The following ADAMTS9 variants were observed in gnomAD, a reference collection of about 807,000 sequenced individuals.
The protein encoded by ADAMTS9 is A disintegrin and metalloproteinase with thrombospondin motifs 9.
In ADAMTS9, 107 loss-of-function variants were observed where a neutral mutation model predicts 257.1. The ratio of observed to expected loss-of-function variants is 0.42; its 90% CI spans 0.36 to 0.49. The LOEUF (loss-of-function observed/expected upper bound fraction) is 0.49. ADAMTS9 is among the 20% of genes least tolerant of loss of function. The pLI, the probability that ADAMTS9 is intolerant of heterozygous loss-of-function variation, is 0.03. For missense variants in ADAMTS9, 2,353 were observed against 2,469.1 expected (o/e 0.95, Z 1.00); for synonymous variants, 982 against 880.9 (o/e 1.11, Z -2.03).
intron 39 of ADAMTS9, among the ~76,000 whole-genome samples, chr3:64,518,004 TA>T (rs1321671812): frequency 3.9e-5 from 6 of 152,312 alleles, no homozygotes; most frequent in Admixed American, 6.5e-5. Flanking sequence ...CCATGCGACC[TA>T]ACCAGAGCTA....
chr3:64,637,381 T>G (rs2106909034), intron 12 of ADAMTS9, among the ~76,000 whole-genome samples: 1 of 152,322 alleles, frequency 6.6e-6, no homozygotes, highest in Admixed American at 6.5e-5. Flanking sequence ...AAATATTGCA[T>G]GTCAAATAGG....
chr3:64,556,934 T>C (rs993577028), intron 30 of ADAMTS9, among the ~76,000 whole-genome samples: 5 of 152,184 alleles, frequency 3.3e-5, no homozygotes, highest in African/African-American at 1.2e-4. Flanking sequence ...TGTTAAATGA[T>C]AGAGAAGATT....
intron 29 of ADAMTS9, among the ~76,000 whole-genome samples, chr3:64,563,513 A>G (rs193225556): frequency 3.8e-4 from 58 of 152,314 alleles, no homozygotes; most frequent in African/African-American, 1.3e-3. Context: ...AGACTTTTAG[A>G]ATGTATAAGA....
At chr3:64,538,964 T>C (rs2083086861) in intron 37 of ADAMTS9, among the ~76,000 whole-genome samples, 1 of 152,202 alleles carries the variant, frequency 6.6e-6, no homozygotes, top group African/African-American at 2.4e-5. Flanking sequence ...TAAGTTGGCG[T>C]GTTTTGTTGA....
At chr3:64,680,838 A>T (rs552952148) in intron 3 of ADAMTS9, among the ~76,000 whole-genome samples, 2 of 152,326 alleles carry the variant, frequency 1.3e-5, no homozygotes, top group South Asian at 2.1e-4. Flanking sequence ...CCAAAAAAAA[A>T]TACATGCATT....
At chr3:64,670,730 A>G (rs1013398030) in intron 3 of ADAMTS9, among the ~76,000 whole-genome samples, 1 of 152,242 alleles carries the variant, frequency 6.6e-6, no homozygotes, top group African/African-American at 2.4e-5. Context: ...CGCTTCACCA[A>G]AAAAGATACA....
chr3:64,556,875 A>C (rs1432283488), intron 30 of ADAMTS9, among the ~76,000 whole-genome samples: 1 of 149,506 alleles, frequency 6.7e-6, no homozygotes, highest in African/African-American at 2.5e-5. Flanking sequence ...TCCTTCATTC[A>C]TTCACAGATT....
intron 3 of ADAMTS9, among the ~76,000 whole-genome samples, chr3:64,662,760 A>G (rs1389520143): frequency 6.6e-6 from 1 of 152,142 alleles, no homozygotes; most frequent in Admixed American, 6.6e-5. Flanking sequence ...AAATCTACAG[A>G]GACAGAAAGT....
At chr3:64,649,913 A>T in intron 9 of ADAMTS9, 135 bp from the exon 10 acceptor site, 1 of 1,112,088 alleles carries the variant, frequency 9.0e-7, no homozygotes, top group South Asian at 1.9e-5. Context: ...TTTATTCTTT[A>T]CATCCAAGAT....
intron 30 of ADAMTS9, among the ~76,000 whole-genome samples, chr3:64,551,572 T>C (rs2083272165): frequency 6.6e-6 from 1 of 152,174 alleles, no homozygotes; most frequent in African/African-American, 2.4e-5. Context: ...CACCCAGCTG[T>C]CTAAAGGAAG....
At chr3:64,522,613 A>G (rs1001620831) in intron 38 of ADAMTS9, 17 of 179,970 alleles carry the variant, frequency 9.4e-5, no homozygotes, top group Non-Finnish European at 1.6e-4. Flanking sequence ...ACATTCATTA[A>G]TTTACCTGAT....
rs2082779548 is a variant in ADAMTS9, at chr3:64,516,707, G to A, written c.*420C>T. 1 of 152,548 alleles carries A rather than the reference G, an allele frequency of 6.6e-6. No homozygotes were observed. Among genetic ancestry groups the A allele is most frequent in the African/African-American group, 2.4e-5 (1 of 41,424 alleles). The allele number at this position is 152,548 out of a possible 1,614,324, so 9.4% of individuals were successfully genotyped here. ...TATACAACTCTTATAGCACCTTGAT[G>A]ATGGCTAGATTGTTTTAAAAAAATT... On this transcript the variant is annotated 3_prime_UTR_variant, in exon 40 of 40. Coordinates refer to ENST00000498707, the MANE Select transcript of ADAMTS9 (RefSeq NM_182920.2).
intron 28 of ADAMTS9, 79 bp downstream of exon 28, chr3:64,594,179 T>A: frequency 6.9e-7 from 1 of 1,451,682 alleles, no homozygotes; most frequent in African/African-American, 1.4e-5. Context: ...GTGTGACAAT[T>A]ATCTGCCACA....
intron 10 of ADAMTS9, among the ~76,000 whole-genome samples, chr3:64,649,079 T>A (rs1043551116): frequency 3.3e-5 from 5 of 152,150 alleles, no homozygotes; most frequent in Admixed American, 3.3e-4. Context: ...AACTGCTAGA[T>A]GTTATCACTG....
Position 64,594,450 on chromosome 3 carries a change from G to T in ADAMTS9, c.4180-16C>A. On this transcript the variant is annotated splice_polypyrimidine_tract_variant and intron_variant, in intron 27 of 39. Coordinates refer to ENST00000498707, the MANE Select transcript of ADAMTS9 (RefSeq NM_182920.2). ...GCTTAGTGCACTGGAAGAAGGAAAA[G>T]GAAGGCTGCAGTTATTTTGTCTGAA... is the stretch of plus-strand genomic sequence containing the variant. 6.2e-7 allele frequency: 1 copy of T among 1,603,852 alleles called. No individual in the cohort carries two copies. Among genetic ancestry groups the T allele is most frequent in the Non-Finnish European group, 8.5e-7 (1 of 1,175,310 alleles).
chr3:64,619,504 G>A (rs1023772399), intron 19 of ADAMTS9, among the ~76,000 whole-genome samples: 7 of 152,016 alleles, frequency 4.6e-5, no homozygotes, highest in Non-Finnish European at 8.8e-5. Context: ...TTTGTTTAAC[G>A]ACTCTCAGCC....
intron 20 of ADAMTS9, among the ~76,000 whole-genome samples, 155 bp downstream of exon 20, chr3:64,615,805 C>T (rs887898836): frequency 6.6e-6 from 1 of 152,120 alleles, no homozygotes; most frequent in Non-Finnish European, 1.5e-5. Context: ...AACCATGCTA[C>T]TCTATTCTGG....
chr3:64,648,195 A>G lies in ADAMTS9; in HGVS notation c.1606-151T>C, dbSNP rs116982749. On this transcript the variant is annotated intron_variant, in intron 10 of 39. Coordinates refer to ENST00000498707, the MANE Select transcript of ADAMTS9 (RefSeq NM_182920.2). The stretch of plus-strand genomic sequence containing the variant: ...TTCTTGGTATGATAAATGCTAAAAT[A>G]TAGACAGCAGCCCATAAAACACATT... 3,493 of 701,468 alleles carry G rather than the reference A, an allele frequency of 5.0e-3. 94 individuals are homozygous for G. In the East Asian group the frequency reaches 0.051, roughly 10 times the overall value. The allele number at this position is 701,468 out of a possible 1,614,324, so 43.5% of individuals were successfully genotyped here. A position where few individuals can be genotyped will look rare whatever the true frequency, so the allele number is the denominator to read the frequency against.
At chr3:64,681,180 G>T in intron 3 of ADAMTS9, 21 bp downstream of exon 3, 1 of 1,605,908 alleles carries the variant, frequency 6.2e-7, no homozygotes, top group Non-Finnish European at 8.5e-7. Flanking sequence ...TGGGCTCTCC[G>T]CTTAAGCAAG....
Sources: gnomAD v4.1 joint callset for allele counts (sites outside exome capture counted in the v4.1 genomes callset) on GRCh38, gnomAD v4.1.1 for gene constraint, MANE v1.5 for transcripts, NCBI Gene and HGNC (gene_info 2026-07-23, HGNC 2026-07-21) for gene names.